The following FIGN variants were observed in gnomAD, a reference collection of about 807,000 sequenced individuals.
FIGN encodes the protein fidgetin.
A neutral mutation model predicts 51.3 loss-of-function variants in FIGN; 11 were observed. That is an observed-to-expected ratio of 0.21 (90% CI 0.13 to 0.35). The LOEUF (loss-of-function observed/expected upper bound fraction) is 0.35, where lower values mean the gene tolerates loss of function less well. FIGN is among the 10% of genes least tolerant of loss of function. The pLI, the probability that FIGN is intolerant of heterozygous loss-of-function variation, is 1.00. For synonymous variants in FIGN, 407 were observed against 363.2 expected, an observed-to-expected ratio of 1.12 and a Z score of -1.37; for missense variants, 857 against 943.6, an observed-to-expected ratio of 0.91 and a Z score of 1.20.
intron 2 of FIGN, among the ~76,000 whole-genome samples, chr2:163,728,445 C>T (rs1258665985): frequency 6.7e-6 from 1 of 149,650 alleles, no homozygotes; most frequent in Non-Finnish European, 1.5e-5. Context: ...CACAAAGTTC[C>T]TTTTAAGAAT....
chr2:163,683,985 T>C (rs1684106009), intron 2 of FIGN, among the ~76,000 whole-genome samples: 1 of 152,214 alleles, frequency 6.6e-6, no homozygotes, highest in East Asian at 1.9e-4. Context: ...AACATATCTC[T>C]ATGGGATTTG....
Position 163,604,640 on chromosome 2 carries a change from T to C in FIGN, c.*4912A>G, listed in dbSNP as rs1691044878. On this transcript the variant is annotated 3_prime_UTR_variant, in exon 3 of 3. Coordinates refer to ENST00000333129, the MANE Select transcript of FIGN (RefSeq NM_018086.4). ...ACAAATAAATACTACATGTACAATATGTAGCAATGAGGTAGAAATGGTTAT... is the reference window on the plus strand; with the variant it reads ...ACAAATAAATACTACATGTACAATACGTAGCAATGAGGTAGAAATGGTTAT... 1 of 151,888 alleles carries C rather than the reference T, an allele frequency of 6.6e-6. No homozygotes were observed. The highest frequency in any genetic ancestry group is 6.6e-5 in the Admixed American group (1 of 15,204). The allele number at this position is 151,888 out of a possible 1,614,324, so 9.4% of individuals were successfully genotyped here.
At position 163,604,770 on chromosome 2, in the gene FIGN, A is replaced by C. The variant is rs905837889; in HGVS notation, c.*4782T>G. 6.6e-6 allele frequency: 1 copy of C among 151,166 alleles called. No homozygotes were observed. Among genetic ancestry groups the C allele is most frequent in the Non-Finnish European group, 1.5e-5 (1 of 67,772 alleles). The allele number at this position is 151,166 out of a possible 1,614,324, so 9.4% of individuals were successfully genotyped here. ...ACAGTGGAAACTCATACACACACAC[A>C]CCCACATACAAGAGAGAGCGAGAGT... On this transcript the variant is annotated 3_prime_UTR_variant, in exon 3 of 3. Coordinates refer to ENST00000333129, the MANE Select transcript of FIGN (RefSeq NM_018086.4).
intron 2 of FIGN, among the ~76,000 whole-genome samples, chr2:163,676,713 C>T (rs766849394): frequency 1.3e-5 from 2 of 151,734 alleles, no homozygotes; most frequent in Non-Finnish European, 2.9e-5. Context: ...AACTCAAATA[C>T]CCAATTTTAT....
intron 2 of FIGN, among the ~76,000 whole-genome samples, chr2:163,733,273 G>T (rs1213046900): frequency 6.6e-6 from 1 of 152,154 alleles, no homozygotes; most frequent in Non-Finnish European, 1.5e-5. Context: ...GCTGTTAAAT[G>T]TCATGAATTA....
Position 163,611,349 on chromosome 2 carries a change from A to G in FIGN, c.483T>C (p.Pro161=). Residue 161 remains proline (P), a synonymous_variant, in exon 3 of 3, where the codon CCT becomes CCC. Transcript: ENST00000333129. Reference sequence around the variant, plus strand: ...TTCCACAGGTACTACTTGAATAACTAGGTTCTGTCAGGTTGCTGGCTACCC... The same window carrying G: ...TTCCACAGGTACTACTTGAATAACTGGGTTCTGTCAGGTTGCTGGCTACCC... ...SPGVASNLTE[P]SYSSSTCGSH... 5.0e-6 allele frequency: 8 copies of G among 1,614,110 alleles called. No individual in the cohort carries two copies. The highest frequency in any genetic ancestry group is 1.1e-5 in the South Asian group (1 of 91,076).
At chr2:163,734,834 T>G in intron 2 of FIGN, 69 bp downstream of exon 2, 1 of 1,481,534 alleles carries the variant, frequency 6.7e-7, no homozygotes, top group South Asian at 1.2e-5. Context: ...TCTTCAATGG[T>G]TTTATCATGC....
At chr2:163,631,274 C>T (rs146625824) in intron 2 of FIGN, among the ~76,000 whole-genome samples, 261 of 152,262 alleles carry the variant, frequency 1.7e-3, no homozygotes, top group South Asian at 3.1e-3. Flanking sequence ...TACTATATAT[C>T]ATGTGATACA....
chr2:163,730,908 A>G (rs1275753423), intron 2 of FIGN, among the ~76,000 whole-genome samples: 1 of 152,204 alleles, frequency 6.6e-6, no homozygotes, highest in Non-Finnish European at 1.5e-5. Flanking sequence ...CTTTATAAAG[A>G]GTAGTATGTG....
intron 2 of FIGN, among the ~76,000 whole-genome samples, chr2:163,692,625 G>A (rs1459885486): frequency 6.6e-6 from 1 of 152,194 alleles, no homozygotes; most frequent in Non-Finnish European, 1.5e-5. Context: ...TTCCTGAAAG[G>A]TAATAGAGGA....
intron 2 of FIGN, among the ~76,000 whole-genome samples, chr2:163,679,138 G>T (rs765790748): frequency 8.5e-5 from 13 of 152,078 alleles, no homozygotes; most frequent in Non-Finnish European, 1.8e-4. Context: ...TCTGATCCTT[G>T]TTGGATCTAC....
intron 2 of FIGN, among the ~76,000 whole-genome samples, chr2:163,714,235 C>A (rs12479049): frequency 0.084 from 12,861 of 152,262 alleles, 686 homozygotes; most frequent in Admixed American, 0.12. Flanking sequence ...GGCTGGCCAG[C>A]AGCCAGCATT....
intron 2 of FIGN, among the ~76,000 whole-genome samples, chr2:163,701,750 A>G: frequency 6.6e-6 from 1 of 152,078 alleles, no homozygotes; most frequent in Admixed American, 6.6e-5. Flanking sequence ...TATTGTTACA[A>G]ATGTCCCCAT....
In FIGN at chr2:163,696,834, A is replaced by AT. The variant is rs773678447; in HGVS notation, c.25+38068dup. 8.8e-3 allele frequency among the ~76,000 whole-genome samples: 1,196 copies of AT among 135,714 alleles called. 13 individuals are homozygous for AT. Among genetic ancestry groups the AT allele is most frequent in the African/African-American group, 0.025 (928 of 36,874 alleles). 89.0% of individuals were successfully genotyped at this position (135,714 alleles called of 152,430 possible). A position where few individuals can be genotyped will look rare whatever the true frequency, so the allele number is the denominator to read the frequency against. On this transcript the variant is annotated intron_variant, in intron 2 of 2. Coordinates refer to ENST00000333129, the MANE Select transcript of FIGN (RefSeq NM_018086.4). The stretch of plus-strand genomic sequence containing the variant: ...ATTTGCACACCACCGTGTCTGGCTA[A>AT]TTTTTTTTTTTTTTTTTTAAGAGAC...
intron 2 of FIGN, among the ~76,000 whole-genome samples, chr2:163,655,383 T>C (rs1431111243): frequency 1.3e-5 from 2 of 152,162 alleles, no homozygotes; most frequent in Admixed American, 6.6e-5. Flanking sequence ...GTGCTATGAC[T>C]CTAAAGGTTT....
At chr2:163,626,556 G>A (rs1303256372) in intron 2 of FIGN, among the ~76,000 whole-genome samples, 1 of 152,078 alleles carries the variant, frequency 6.6e-6, no homozygotes, top group Non-Finnish European at 1.5e-5. Flanking sequence ...ATTTTGGTGG[G>A]TTTTAAAAAT....
At chr2:163,642,684 G>A (rs1031990537) in intron 2 of FIGN, among the ~76,000 whole-genome samples, 14 of 152,150 alleles carry the variant, frequency 9.2e-5, no homozygotes, top group Admixed American at 2.6e-4. Context: ...ATTCATGTTT[G>A]TATCACCAGC....
intron 2 of FIGN, chr2:163,612,181 T>C (rs1411195068): frequency 2.2e-6 from 1 of 450,004 alleles, no homozygotes; most frequent in African/African-American, 2.1e-5. Flanking sequence ...TCATAGGTTC[T>C]TAAAATAAGC....
chr2:163,617,484 C>T (rs1416565839), intron 2 of FIGN, among the ~76,000 whole-genome samples: 1 of 152,106 alleles, frequency 6.6e-6, no homozygotes, highest in African/African-American at 2.4e-5. Context: ...TAGAGATTAA[C>T]AGAACTTTAA....
Sources: allele counts gnomAD v4.1 joint callset (sites outside exome capture counted in the v4.1 genomes callset), GRCh38; gene constraint gnomAD v4.1.1; transcripts MANE v1.5; gene names NCBI Gene and HGNC (gene_info 2026-07-23, HGNC 2026-07-21).